NPAS2: variants seen among roughly 807,000 people sequenced by gnomAD.
NPAS2 encodes neuronal PAS domain-containing protein 2.
In NPAS2, 23 loss-of-function variants were observed where a neutral mutation model predicts 107.5. That is an observed-to-expected ratio of 0.21 (90% CI 0.15 to 0.30). The LOEUF (loss-of-function observed/expected upper bound fraction) is 0.30, where lower values mean the gene tolerates loss of function less well. Ranked by LOEUF, NPAS2 falls within the 10% of genes least tolerant of loss-of-function variation. The probability of loss-of-function intolerance (pLI) is 1.00; values close to 1 mark genes in which losing one functional copy is unlikely to be tolerated. For missense variants in NPAS2, 756 were observed against 1,043.3 expected (o/e 0.72, Z 3.79); for synonymous variants, 403 against 417.5 (o/e 0.97, Z 0.42).
chr2:100,974,313 C>T (rs772680106), intron 12 of NPAS2, among the ~76,000 whole-genome samples: 3 of 152,188 alleles, frequency 2.0e-5, no homozygotes, highest in Non-Finnish European at 4.4e-5. Context: ...ACAGGAGACC[C>T]CTTGCCCTCC....
chr2:100,964,778 C>A, intron 8 of NPAS2, 83 bp from the exon 9 acceptor site: 1 of 776,874 alleles, frequency 1.3e-6, no homozygotes. Flanking sequence ...CTTCTGTTAC[C>A]CACCACGCGT....
Position 100,982,321 on chromosome 2 carries a change from G to A in NPAS2, c.1573G>A (p.Glu525Lys). 1 of 1,614,184 alleles carries A rather than the reference G, an allele frequency of 6.2e-7. No homozygotes were observed. The highest frequency in any genetic ancestry group is 8.5e-7 in the Non-Finnish European group (1 of 1,180,024). Residue 525 changes from glutamate (E) to lysine (K), a missense_variant, in exon 16 of 21, where the codon GAA becomes AAA. This residue lies in a region of NPAS2 where 496 missense variants were observed against 594.4 expected (regional missense o/e 0.83). Coordinates refer to ENST00000335681, the MANE Select transcript of NPAS2 (RefSeq NM_002518.4). The stretch of plus-strand genomic sequence containing the variant: ...GCAGGCCAATATCCGGTGGCAACAG[G>A]AAGAGCTCCACAAGATCCAGGAGCA... ...ILQANIRWQQ[E>K]ELHKIQEQLC...
At chr2:100,895,704 C>G (rs944015954) in intron 1 of NPAS2, among the ~76,000 whole-genome samples, 2 of 152,186 alleles carry the variant, frequency 1.3e-5, no homozygotes, top group Admixed American at 6.5e-5. Context: ...GCTCCTTACC[C>G]CCATGCCCCC....
chr2:100,904,664 C>A, intron 1 of NPAS2, 69 bp from the exon 2 acceptor site: 1 of 1,186,828 alleles, frequency 8.4e-7, no homozygotes, highest in Non-Finnish European at 1.2e-6. Context: ...ACCTGAAAGA[C>A]TTTTAAGAAA....
intron 1 of NPAS2, among the ~76,000 whole-genome samples, chr2:100,856,299 G>A (rs1436854672): frequency 2.6e-5 from 4 of 152,140 alleles, no homozygotes; most frequent in South Asian, 4.1e-4. Context: ...TGAATTAAAC[G>A]TGTGGTTAAT....
chr2:100,839,640 G>A (rs1039950883), intron 1 of NPAS2, among the ~76,000 whole-genome samples: 2 of 152,036 alleles, frequency 1.3e-5, no homozygotes, highest in Non-Finnish European at 1.5e-5. Flanking sequence ...AAGTTTTGGG[G>A]GAATCAAAGG....
At position 100,970,983 on chromosome 2, in the gene NPAS2, T is replaced by C. The variant is rs995156116; in HGVS notation, c.1056-7T>C. ...TCTCCACTGTGGTCTCTTAATTTCC[T>C]GTACAGTTACGCAGATGTCCGGGTG... On this transcript the variant is annotated splice_region_variant and splice_polypyrimidine_tract_variant and intron_variant, in intron 11 of 20. Transcript: ENST00000335681. 1.2e-6 allele frequency: 2 copies of C among 1,613,736 alleles called. No homozygotes were observed. The highest frequency in any genetic ancestry group is 1.7e-6 in the Non-Finnish European group (2 of 1,179,800).
At position 100,990,889 on chromosome 2, in the gene NPAS2, G is replaced by C. The variant is rs763446879; in HGVS notation, c.2111+17G>C. ...GCAAGTCAAGTACGTGGACCCTGGC[G>C]GGAGGCAGGAGGCAAGCGCTGGTGG... On this transcript the variant is annotated intron_variant, in intron 19 of 20. Coordinates refer to ENST00000335681, the MANE Select transcript of NPAS2 (RefSeq NM_002518.4). The C allele has an allele frequency of 6.2e-7, 1 of 1,609,900 alleles. No homozygotes were observed. The highest frequency in any genetic ancestry group is 8.5e-7 in the Non-Finnish European group (1 of 1,176,520).
intron 5 of NPAS2, among the ~76,000 whole-genome samples, chr2:100,947,685 GT>G (rs1321393057): frequency 6.6e-6 from 1 of 152,174 alleles, no homozygotes; most frequent in Non-Finnish European, 1.5e-5. Flanking sequence ...ATCACAGACA[GT>G]TCTATTGGAC....
chr2:100,983,657 C>CT (rs1677607227), intron 16 of NPAS2: 1 of 152,372 alleles, frequency 6.6e-6, no homozygotes, highest in Non-Finnish European at 1.5e-5. Context: ...CCCTGCTGCT[C>CT]TCCCCACCTC....
At chr2:100,821,135 G>A (rs1430602680) in intron 1 of NPAS2, 1 of 1,304,766 alleles carries the variant, frequency 7.7e-7, no homozygotes, top group Non-Finnish European at 1.0e-6. Flanking sequence ...GGAAGGGACA[G>A]GCACCACCCG....
At chr2:100,843,549 T>G (rs1260423787) in intron 1 of NPAS2, among the ~76,000 whole-genome samples, 1 of 152,182 alleles carries the variant, frequency 6.6e-6, no homozygotes, top group East Asian at 1.9e-4. Context: ...GTTTTCAGTA[T>G]GTTTTGAGAT....
intron 2 of NPAS2, among the ~76,000 whole-genome samples, chr2:100,919,259 C>G (rs1488578474): frequency 6.6e-6 from 1 of 152,138 alleles, no homozygotes; most frequent in East Asian, 1.9e-4. Flanking sequence ...TTGTAGAGAG[C>G]TCTCTCTCGT....
chr2:100,992,116 C>CCT (rs1410058899), intron 19 of NPAS2, among the ~76,000 whole-genome samples: 2 of 152,152 alleles, frequency 1.3e-5, no homozygotes. Flanking sequence ...CTAAATGATC[C>CCT]AAATAAGTGG....
intron 2 of NPAS2, 42 bp from the exon 3 acceptor site, chr2:100,925,104 G>T (rs1374921966): frequency 1.3e-6 from 2 of 1,576,382 alleles, no homozygotes; most frequent in Admixed American, 3.6e-5. Context: ...AAGCCTTTGT[G>T]ACGTGGAATG....
rs565209339 is a variant in NPAS2 at position 100,982,016 on chromosome 2, G to C, written c.1483-215G>C. On this transcript the variant is annotated intron_variant, in intron 15 of 20. Coordinates refer to ENST00000335681, the MANE Select transcript of NPAS2 (RefSeq NM_002518.4). ...TCAGGTGGGCCTGCTGTCATAGCCA[G>C]CCTGAGAAAGACTGGTGCAGGGGCC... Among the ~76,000 whole-genome samples the C allele has an allele frequency of 2.0e-3, 303 of 152,198 alleles. 3 individuals carry two copies. The highest frequency in any genetic ancestry group is 3.6e-3 in the Admixed American group (55 of 15,290).
chr2:100,853,769 G>A (rs567553081), intron 1 of NPAS2, among the ~76,000 whole-genome samples: 24 of 152,182 alleles, frequency 1.6e-4, no homozygotes, highest in African/African-American at 3.9e-4. Context: ...AGGTGGAGCC[G>A]TTCAGCCTTC....
intron 4 of NPAS2, among the ~76,000 whole-genome samples, chr2:100,937,111 C>CTTTCAAA (rs372169139): frequency 4.6e-5 from 7 of 152,144 alleles, no homozygotes; most frequent in African/African-American, 1.7e-4. Context: ...TCAGTAGAGA[C>CTTTCAAA]TTTCAAATGC....
chr2:100,856,017 A>G (rs577158474), intron 1 of NPAS2, among the ~76,000 whole-genome samples: 9 of 152,146 alleles, frequency 5.9e-5, no homozygotes, highest in African/African-American at 1.4e-4. Flanking sequence ...AACACATTCT[A>G]CTTATCACAT....
Sources: gnomAD v4.1 joint callset for allele counts (sites outside exome capture counted in the v4.1 genomes callset) on GRCh38, gnomAD v4.1.1 for gene constraint, gnomAD v4.1.1 regional missense constraint, MANE v1.5 for transcripts, NCBI Gene and HGNC (gene_info 2026-07-23, HGNC 2026-07-21) for gene names.